Variants in LEPR observed in about 807,000 individuals in gnomAD.
LEPR encodes OB receptor.
A neutral mutation model predicts 114.7 loss-of-function variants in LEPR; 56 were observed. That is an observed-to-expected ratio of 0.49 (90% CI 0.39 to 0.61). LEPR has a LOEUF of 0.61. Ranked by LOEUF, LEPR falls within the 20% of genes least tolerant of loss-of-function variation. The probability of loss-of-function intolerance (pLI) is 0.00; values close to 1 mark genes in which losing one functional copy is unlikely to be tolerated. For synonymous variants in LEPR, 443 were observed against 461.4 expected (o/e 0.96, Z 0.51); for missense variants, 1,202 against 1,352.9 (o/e 0.89, Z 1.75).
chr1:65,509,480 G>C (rs1280271708), intron 2 of LEPR, among the ~76,000 whole-genome samples: 1 of 151,988 alleles, frequency 6.6e-6, no homozygotes, highest in East Asian at 1.9e-4. Flanking sequence ...GGGCATTTTT[G>C]TTTATTGATG....
chr1:65,426,612 C>T (rs571481709), intron 2 of LEPR, among the ~76,000 whole-genome samples: 1 of 152,196 alleles, frequency 6.6e-6, no homozygotes, highest in East Asian at 1.9e-4. Flanking sequence ...ACCAAACCAA[C>T]CAACAGGTTT....
intron 2 of LEPR, among the ~76,000 whole-genome samples, chr1:65,456,660 G>T (rs1477150948): frequency 6.6e-6 from 1 of 152,082 alleles, no homozygotes; most frequent in Non-Finnish European, 1.5e-5. Context: ...TGTTAGTATG[G>T]TATATCTTTA....
At chr1:65,574,973 T>C (rs557899303) in intron 5 of LEPR, among the ~76,000 whole-genome samples, 41 of 152,254 alleles carry the variant, frequency 2.7e-4, no homozygotes, top group Non-Finnish European at 5.1e-4. Context: ...AGCTGATCTT[T>C]ATGCTAGTTC....
intron 2 of LEPR, among the ~76,000 whole-genome samples, chr1:65,491,569 G>T (rs1003905153): frequency 2.0e-5 from 3 of 152,072 alleles, no homozygotes; most frequent in African/African-American, 7.2e-5. Flanking sequence ...CAATATCTAA[G>T]ATTTTGTCTT....
intron 5 of LEPR, chr1:65,576,191 T>C: frequency 5.8e-6 from 1 of 172,018 alleles, no homozygotes; most frequent in Admixed American, 5.7e-5. Flanking sequence ...AGAGTCTTCC[T>C]GACCCTGTGG....
intron 2 of LEPR, among the ~76,000 whole-genome samples, chr1:65,534,862 A>G (rs1650648812): frequency 6.6e-6 from 1 of 152,226 alleles, no homozygotes; most frequent in African/African-American, 2.4e-5. Context: ...TGAAAAACTC[A>G]TGTTTAAGAA....
chr1:65,501,347 C>G (rs931345117), intron 2 of LEPR, among the ~76,000 whole-genome samples: 2 of 151,690 alleles, frequency 1.3e-5, no homozygotes, highest in Admixed American at 6.6e-5. Context: ...TCAGGCATTC[C>G]TTGTTCTGTG....
chr1:65,457,302 T>C lies in LEPR; in HGVS notation c.-21+31924T>C, dbSNP rs183164038. Among the ~76,000 whole-genome samples, 762 of 152,278 alleles carry C rather than the reference T, an allele frequency of 5.0e-3. 8 individuals are homozygous for C. The highest frequency in any genetic ancestry group is 0.018 in the African/African-American group (734 of 41,564). On this transcript the variant is annotated intron_variant, in intron 2 of 19. Coordinates refer to ENST00000349533, the MANE Select transcript of LEPR (RefSeq NM_002303.6). ...TAGAAGTTTTTAATTTTTCCTTCAC[T>C]TTCTTCTCCTTCTGTATTCATATTA...
intron 2 of LEPR, among the ~76,000 whole-genome samples, chr1:65,484,694 T>A (rs1647395856): frequency 6.6e-6 from 1 of 152,194 alleles, no homozygotes; most frequent in South Asian, 2.1e-4. Flanking sequence ...GCTTCAATAA[T>A]AACTCATGGG....
At chr1:65,433,201 C>T in intron 2 of LEPR, 2 of 985,378 alleles carry the variant, frequency 2.0e-6, no homozygotes, top group Non-Finnish European at 2.4e-6. Context: ...TTCTGGTTTG[C>T]CCTGACTTCT....
At chr1:65,523,262 C>A (rs111581981) in intron 2 of LEPR, among the ~76,000 whole-genome samples, 2,463 of 152,260 alleles carry the variant, frequency 0.016, 34 homozygotes, top group Admixed American at 0.026. Context: ...TCCTACAGGG[C>A]AGTTATTCTT....
Position 65,609,040 on chromosome 1 carries a change from T to A in LEPR, c.1752+139T>A, listed in dbSNP as rs1334746133. On this transcript the variant is annotated intron_variant, in intron 12 of 19. Coordinates refer to ENST00000349533, the MANE Select transcript of LEPR (RefSeq NM_002303.6). ...GTGTAGCTATTTTCATTAAATAGAT[T>A]TATCTAAGTCTAACTTTTTTAAAGA... The A allele has an allele frequency of 5.1e-6, 6 of 1,167,424 alleles. No individual in the cohort carries two copies. The South Asian group carries it at 6.3e-5, about 12-fold the overall frequency. The allele number at this position is 1,167,424 out of a possible 1,614,324, so 72.3% of individuals were successfully genotyped here. A position where few individuals can be genotyped will look rare whatever the true frequency, so the allele number is the denominator to read the frequency against.
intron 5 of LEPR, among the ~76,000 whole-genome samples, chr1:65,589,748 C>G (rs577899992): frequency 1.3e-5 from 2 of 152,082 alleles, no homozygotes; most frequent in African/African-American, 4.8e-5. Flanking sequence ...TTAGTCTATT[C>G]TAGACTCTAT....
chr1:65,577,027 G>A (rs996558833), intron 5 of LEPR: 2 of 262,782 alleles, frequency 7.6e-6, no homozygotes, highest in South Asian at 5.1e-5. Flanking sequence ...TCAGAAAGGG[G>A]AACAAGCTCC....
chr1:65,425,100 A>T (rs1646333885), intron 1 of LEPR, among the ~76,000 whole-genome samples: 1 of 152,190 alleles, frequency 6.6e-6, no homozygotes, highest in Non-Finnish European at 1.5e-5. Flanking sequence ...CCATAAAATT[A>T]ACATTCTTAA....
chr1:65,558,501 G>GTTTTTTGTTTTT (rs1553165163), intron 2 of LEPR, among the ~76,000 whole-genome samples: 1 of 23,168 alleles, frequency 4.3e-5, no homozygotes, highest in Admixed American at 5.5e-4. Flanking sequence ...GTTTCTTAAT[G>GTTTTTTGTTTTT]TTTTTTTTTT....
intron 2 of LEPR, among the ~76,000 whole-genome samples, chr1:65,488,160 C>A (rs1450357590): frequency 5.8e-5 from 1 of 17,280 alleles, no homozygotes; most frequent in Non-Finnish European, 1.3e-4. Flanking sequence ...TCCTTCCTTC[C>A]TTTCTTTCTT....
intron 2 of LEPR, among the ~76,000 whole-genome samples, chr1:65,524,183 AAT>A (rs1243954189): frequency 4.6e-5 from 7 of 152,206 alleles, no homozygotes; most frequent in Non-Finnish European, 7.3e-5. Flanking sequence ...CTAGGAAACT[AAT>A]ATGTTAGTTC....
chr1:65,567,107 GAT>G (rs1653821064), intron 3 of LEPR, among the ~76,000 whole-genome samples: 1 of 152,188 alleles, frequency 6.6e-6, no homozygotes. Context: ...TACCTGATAA[GAT>G]ATGCCTTCAG....
Sources: allele counts gnomAD v4.1 joint callset (sites outside exome capture counted in the v4.1 genomes callset), GRCh38; gene constraint gnomAD v4.1.1; transcripts MANE v1.5; gene names NCBI Gene and HGNC (gene_info 2026-07-23, HGNC 2026-07-21).